Variants in SGK1 observed in about 807,000 individuals in gnomAD.
SGK1 encodes the protein serine/threonine-protein kinase Sgk1.
SGK1 carries 26 observed loss-of-function variants against 64.2 expected under a neutral mutation model. The observed-to-expected ratio is 0.40, with a 90% CI of 0.30 to 0.56. SGK1 has a LOEUF of 0.56. SGK1 is among the 20% of genes least tolerant of loss of function. SGK1 has a pLI of 0.38. For synonymous variants in SGK1, 265 were observed against 239.7 expected, an observed-to-expected ratio of 1.11 and a Z score of -0.98; for missense variants, 519 against 645.6, an observed-to-expected ratio of 0.80 and a Z score of 2.12.
chr6:134,246,502 G>T (rs1376355124), intron 2 of SGK1, among the ~76,000 whole-genome samples: 2 of 152,032 alleles, frequency 1.3e-5, no homozygotes, highest in Non-Finnish European at 2.9e-5. Flanking sequence ...TGAAGATGGG[G>T]GAGGACAGAA....
intron 2 of SGK1, among the ~76,000 whole-genome samples, chr6:134,251,887 T>C (rs1285539143): frequency 2.0e-5 from 3 of 152,148 alleles, no homozygotes; most frequent in African/African-American, 7.2e-5. Flanking sequence ...CCCGAGTAGC[T>C]GGGACTACAG....
At position 134,173,408 on chromosome 6, in the gene SGK1, T is replaced by C. The variant is rs1283186316; in HGVS notation, c.619-51A>G. 7 of 1,580,354 alleles carry C rather than the reference T, an allele frequency of 4.4e-6. No individual in the cohort carries two copies. In the Admixed American group the frequency reaches 1.0e-4, roughly 23 times the overall value. On this transcript the variant is annotated intron_variant, in intron 6 of 13. Transcript: ENST00000367858. ...TTTTTCTATCCTCATCCAGGGAGAA[T>C]ACAAAAGAGGACATGAAGGAAGTGT...
chr6:134,317,029 A>G (rs1198411166), intron 1 of SGK1, among the ~76,000 whole-genome samples: 1 of 152,162 alleles, frequency 6.6e-6, no homozygotes, highest in African/African-American at 2.4e-5. Context: ...AGATGAGAGG[A>G]AGCTGCTAAA....
intron 2 of SGK1, among the ~76,000 whole-genome samples, chr6:134,231,543 A>G (rs1776278533): frequency 6.6e-6 from 1 of 152,216 alleles, no homozygotes; most frequent in Non-Finnish European, 1.5e-5. Flanking sequence ...ATCACAAAAT[A>G]TTTTAGGAGC....
At chr6:134,264,571 T>C (rs1282967462) in intron 1 of SGK1, among the ~76,000 whole-genome samples, 2 of 152,186 alleles carry the variant, frequency 1.3e-5, no homozygotes, top group Non-Finnish European at 2.9e-5. Flanking sequence ...AATTAGCCTA[T>C]AGCAAAAGGA....
chr6:134,170,228 AAC>A lies in SGK1; in HGVS notation c.*38_*39del. The A allele has an allele frequency of 6.5e-7, 1 of 1,538,276 alleles. No homozygotes were observed. Among genetic ancestry groups the A allele is most frequent in the Non-Finnish European group, 8.9e-7 (1 of 1,129,670 alleles). ...CAAAAGGCTAACTAAAACATTCGGAAACACACATAAAATCCTTTAAAACCAAG... is the reference window on the plus strand; with the variant it reads ...CAAAAGGCTAACTAAAACATTCGGAAACACATAAAATCCTTTAAAACCAAG... On this transcript the variant is annotated 3_prime_UTR_variant, in exon 14 of 14. Transcript: ENST00000367858.
intron 2 of SGK1, among the ~76,000 whole-genome samples, chr6:134,240,266 T>C (rs1278460780): frequency 1.6e-5 from 2 of 122,804 alleles, no homozygotes; most frequent in African/African-American, 6.5e-5. Flanking sequence ...CACTCCAGCC[T>C]GGGCGACAGA....
intron 2 of SGK1, among the ~76,000 whole-genome samples, chr6:134,211,718 A>G (rs80228384): frequency 0.027 from 4,054 of 151,984 alleles, 170 homozygotes; most frequent in African/African-American, 0.092. Flanking sequence ...CAAGAAAAAG[A>G]ATGTGTGGAG....
chr6:134,296,612 C>A (rs1777350935), intron 1 of SGK1, among the ~76,000 whole-genome samples: 1 of 151,974 alleles, frequency 6.6e-6, no homozygotes, highest in South Asian at 2.1e-4. Flanking sequence ...GTGAACCACA[C>A]CATGCCTGGC....
At chr6:134,277,779 G>A (rs1777039241) in intron 1 of SGK1, among the ~76,000 whole-genome samples, 1 of 152,146 alleles carries the variant, frequency 6.6e-6, no homozygotes, top group Non-Finnish European at 1.5e-5. Context: ...TAAGAATAAG[G>A]TTAAGTGTGG....
At chr6:134,273,703 G>A (rs1265985561) in intron 1 of SGK1, among the ~76,000 whole-genome samples, 1 of 150,678 alleles carries the variant, frequency 6.6e-6, no homozygotes, top group African/African-American at 2.4e-5. Flanking sequence ...AAATACAGAG[G>A]CAAGAATCTG....
intron 3 of SGK1, among the ~76,000 whole-genome samples, chr6:134,198,724 C>CTTTTTTTTTTTTT (rs1459010325): frequency 2.3e-4 from 15 of 65,896 alleles, no homozygotes; most frequent in African/African-American, 5.1e-4. Context: ...TTCTCTTTTT[C>CTTTTTTTTTTTTT]TATTTTTTTT....
Position 134,172,231 on chromosome 6 carries a change from G to T in SGK1, c.1033C>A (p.His345Asn). ...DFGLCKENIE[H>N]NSTTSTFCGT... ...CAGAAGGTGGATGTTGTGCTGTTGT[G>T]TTCAATGTTCTCCTTGCAGAGTCCG... The change falls in exon 10 of 14, where the codon CAC becomes AAC. Residue 345 changes from histidine to asparagine, a missense_variant. Around this residue, in one of 2 missense-constraint regions of SGK1, gnomAD observed 278 missense variants for 408.7 expected, o/e 0.68. Coordinates refer to ENST00000367858, the MANE Select transcript of SGK1 (RefSeq NM_001143676.3). The T allele has an allele frequency of 6.2e-7, 1 of 1,614,208 alleles. No homozygotes were observed. The highest frequency in any genetic ancestry group is 8.5e-7 in the Non-Finnish European group (1 of 1,180,032).
chr6:134,196,667 T>G (rs1180869833), intron 3 of SGK1, among the ~76,000 whole-genome samples: 2 of 152,102 alleles, frequency 1.3e-5, no homozygotes, highest in Non-Finnish European at 2.9e-5. Flanking sequence ...GTCAGTTGAC[T>G]AAAAGAGATG....
intron 1 of SGK1, among the ~76,000 whole-genome samples, chr6:134,315,620 T>A (rs974035219): frequency 6.6e-6 from 1 of 152,224 alleles, no homozygotes; most frequent in African/African-American, 2.4e-5. Flanking sequence ...CTTAAGAACA[T>A]CTGACTGAGG....
In SGK1 at chr6:134,232,447, G is replaced by GAAAGAAAGAAAGAAAGAA. The variant is rs1562259763; in HGVS notation, c.286-25034_286-25017dup. Among the ~76,000 whole-genome samples the GAAAGAAAGAAAGAAAGAA allele has an allele frequency of 2.6e-4, 9 of 34,910 alleles. 1 individual carries two copies. The highest frequency in any genetic ancestry group is 5.4e-4 in the Admixed American group (2 of 3,678). The allele number at this position is 34,910 out of a possible 152,430, so 22.9% of individuals were successfully genotyped here. The stretch of plus-strand genomic sequence containing the variant: ...AGAAAGAAAGAAAGAAAGAAAGAAA[G>GAAAGAAAGAAAGAAAGAA]AAAGAAAGAAAGAAAGAAAGAAAGA... On this transcript the variant is annotated intron_variant, in intron 2 of 13. Transcript: ENST00000367858.
intron 2 of SGK1, among the ~76,000 whole-genome samples, chr6:134,230,875 G>A (rs111469853): frequency 0.052 from 7,886 of 152,160 alleles, 636 homozygotes; most frequent in African/African-American, 0.18. Flanking sequence ...TCAGCTGGGC[G>A]TGGTGGCACG....
At chr6:134,281,852 C>T (rs1031975263) in intron 1 of SGK1, among the ~76,000 whole-genome samples, 21 of 152,230 alleles carry the variant, frequency 1.4e-4, no homozygotes, top group African/African-American at 3.1e-4. Context: ...GAGTTGCTCA[C>T]GTGCCTAATA....
chr6:134,303,647 A>C (rs1158594605), intron 1 of SGK1, among the ~76,000 whole-genome samples: 5 of 151,918 alleles, frequency 3.3e-5, no homozygotes, highest in Non-Finnish European at 5.9e-5. Context: ...CAGGTGTAGT[A>C]GTGCTGGGTG....
Sources: allele counts gnomAD v4.1 joint callset (sites outside exome capture counted in the v4.1 genomes callset), GRCh38; gene constraint gnomAD v4.1.1; regional missense constraint gnomAD v4.1.1; transcripts MANE v1.5; gene names NCBI Gene and HGNC (gene_info 2026-07-23, HGNC 2026-07-21).